COL28A1: variants seen among roughly 807,000 people sequenced by gnomAD.
COL28A1 encodes collagen type XXVIII alpha 1 chain.
In COL28A1, 161 loss-of-function variants were observed where a neutral mutation model predicts 150.2. The ratio of observed to expected loss-of-function variants is 1.07; its 90% CI spans 0.94 to 1.22. The LOEUF is 1.22. Ranked by LOEUF, COL28A1 falls within the 50% of genes most tolerant of loss-of-function variation. The pLI, the probability that COL28A1 is intolerant of heterozygous loss-of-function variation, is 0.00. For synonymous variants in COL28A1, 552 were observed against 469.7 expected, an observed-to-expected ratio of 1.18 and a Z score of -2.26; for missense variants, 1,617 against 1,388.3, an observed-to-expected ratio of 1.16 and a Z score of -2.62.
At chr7:7,444,294 T>G in intron 19 of COL28A1, 124 bp downstream of exon 19, 2 of 1,304,962 alleles carry the variant, frequency 1.5e-6, no homozygotes, top group Non-Finnish European at 2.1e-6. Context: ...TTTGGGATTG[T>G]GAGATATTTT....
intron 11 of COL28A1, among the ~76,000 whole-genome samples, chr7:7,492,603 AAAAAAAAAG>A (rs1361443330): frequency 1.7e-5 from 2 of 118,498 alleles, no homozygotes; most frequent in Non-Finnish European, 3.5e-5. Context: ...AAAAAAAAAA[AAAAAAAAAG>A]GTCTGTTGAC....
At position 7,456,419 on chromosome 7, in the gene COL28A1, G is replaced by C. The variant is rs138286159; in HGVS notation, c.1303-307C>G. On this transcript the variant is annotated intron_variant, in intron 15 of 34. Coordinates refer to ENST00000399429, the MANE Select transcript of COL28A1 (RefSeq NM_001037763.3). ...TTATGACACAAACATTTCCTGCTAA[G>C]ATTGTAACAGAAATATTTAAAAGTA... Among the ~76,000 whole-genome samples, 142 of 152,186 alleles carry C rather than the reference G, an allele frequency of 9.3e-4. 2 individuals carry two copies. In the East Asian group the frequency reaches 0.022, roughly 24 times the overall value.
At chr7:7,372,399 A>AAATC (rs1195395973) in intron 32 of COL28A1, among the ~76,000 whole-genome samples, 1 of 24,810 alleles carries the variant, frequency 4.0e-5, no homozygotes, top group Non-Finnish European at 8.6e-5. Context: ...CTCCGTCTCA[A>AAATC]AATAAATAAA....
chr7:7,378,761 T>G (rs1781705876), intron 30 of COL28A1, among the ~76,000 whole-genome samples: 1 of 152,182 alleles, frequency 6.6e-6, no homozygotes, highest in Non-Finnish European at 1.5e-5. Context: ...CTTGTGTGTC[T>G]CCATTTGATG....
intron 27 of COL28A1, among the ~76,000 whole-genome samples, chr7:7,404,320 T>C (rs1044691765): frequency 6.6e-6 from 1 of 151,962 alleles, no homozygotes; most frequent in Non-Finnish European, 1.5e-5. Context: ...AGGAGACAGT[T>C]ACTCTTTCAA....
At chr7:7,411,082 T>C (rs574553744) in intron 27 of COL28A1, among the ~76,000 whole-genome samples, 21 of 152,288 alleles carry the variant, frequency 1.4e-4, no homozygotes, top group Admixed American at 4.6e-4. Flanking sequence ...GCAGGCTCCA[T>C]GTGAGATTTC....
upstream of COL28A1, among the ~76,000 whole-genome samples, chr7:7,536,818 A>G (rs1256399880): frequency 6.6e-6 from 1 of 152,220 alleles, no homozygotes; most frequent in African/African-American, 2.4e-5. Flanking sequence ...ACCAGGTGCT[A>G]GGCACTGTCC....
Position 7,457,473 on chromosome 7 carries a change from G to A in COL28A1, c.1303-1361C>T, listed in dbSNP as rs566186375. Among the ~76,000 whole-genome samples the A allele has an allele frequency of 2.6e-5, 4 of 152,296 alleles. No individual in the cohort carries two copies. In the East Asian group the frequency reaches 5.8e-4, roughly 22 times the overall value. On this transcript the variant is annotated intron_variant, in intron 15 of 34. Transcript: ENST00000399429. ...AGGTTTGAGGTGGAGGGTGATATCA[G>A]GAGTTCAGTTTTGGACATGTTTAGT...
chr7:7,398,762 T>C (rs1389092643), intron 27 of COL28A1, among the ~76,000 whole-genome samples: 2 of 152,240 alleles, frequency 1.3e-5, no homozygotes, highest in African/African-American at 2.4e-5. Flanking sequence ...GGGTTGCCTT[T>C]ATGACAGTTG....
chr7:7,366,981 C>T (rs142561698), intron 33 of COL28A1, among the ~76,000 whole-genome samples: 83 of 152,300 alleles, frequency 5.4e-4, no homozygotes, highest in African/African-American at 1.8e-3. Context: ...TGTGTGCGCG[C>T]GTGCATGTCT....
At chr7:7,522,482 T>C (rs1781778860) in intron 4 of COL28A1, among the ~76,000 whole-genome samples, 1 of 152,164 alleles carries the variant, frequency 6.6e-6, no homozygotes, top group African/African-American at 2.4e-5. Flanking sequence ...TTAACAACTC[T>C]GAAATCAGAA....
chr7:7,487,221 G>C (rs73350132), intron 13 of COL28A1, among the ~76,000 whole-genome samples: 4,052 of 152,162 alleles, frequency 0.027, 152 homozygotes, highest in African/African-American at 0.092. Context: ...TGCTGAGTTT[G>C]GAAGGTATAA....
intron 30 of COL28A1, 114 bp from the exon 31 acceptor site, chr7:7,375,611 A>T: frequency 1.8e-6 from 1 of 561,216 alleles, no homozygotes; most frequent in Non-Finnish European, 2.7e-6. Flanking sequence ...TAATCCTTCC[A>T]CTGCAGAAAA....
At chr7:7,424,991 AAAG>A (rs1784579500) in intron 25 of COL28A1, among the ~76,000 whole-genome samples, 1 of 152,188 alleles carries the variant, frequency 6.6e-6, no homozygotes, top group Non-Finnish European at 1.5e-5. Context: ...TTTTTAAATG[AAAG>A]AAGAAAGAGG....
At chr7:7,464,311 A>T (rs1787879174) in intron 15 of COL28A1, among the ~76,000 whole-genome samples, 1 of 152,220 alleles carries the variant, frequency 6.6e-6, no homozygotes, top group East Asian at 1.9e-4. Flanking sequence ...GAACAAACGG[A>T]CTTAACAGAT....
At chr7:7,513,909 G>A (rs7807121) in intron 8 of COL28A1, among the ~76,000 whole-genome samples, 19,200 of 152,208 alleles carry the variant, frequency 0.13, 1,275 homozygotes, top group Middle Eastern at 0.22. Context: ...ACAACTACAT[G>A]GTTTCAGAAA....
At chr7:7,508,038 C>G (rs575799021) in intron 9 of COL28A1, among the ~76,000 whole-genome samples, 2 of 152,250 alleles carry the variant, frequency 1.3e-5, no homozygotes, top group South Asian at 4.1e-4. Context: ...GGAGACCATC[C>G]TGGCTAACAC....
At chr7:7,454,553 G>T (rs1786987549) in intron 16 of COL28A1, among the ~76,000 whole-genome samples, 1 of 152,026 alleles carries the variant, frequency 6.6e-6, no homozygotes, top group Non-Finnish European at 1.5e-5. Context: ...CGAGACTTTT[G>T]TTTTGTTTTT....
intron 27 of COL28A1, among the ~76,000 whole-genome samples, chr7:7,400,044 T>A (rs1783080593): frequency 6.6e-6 from 1 of 152,248 alleles, no homozygotes; most frequent in African/African-American, 2.4e-5. Flanking sequence ...GTTGTATGCT[T>A]TTCAGATTAC....
Sources: gnomAD v4.1 joint callset for allele counts (sites outside exome capture counted in the v4.1 genomes callset) on GRCh38, gnomAD v4.1.1 for gene constraint, MANE v1.5 for transcripts, NCBI Gene and HGNC (gene_info 2026-07-23, HGNC 2026-07-21) for gene names.